The following EGFL6 variants were observed in gnomAD, a reference collection of about 807,000 sequenced individuals.
The protein encoded by EGFL6 is EGF like domain multiple 6.
In EGFL6, 42 loss-of-function variants were observed where a neutral mutation model predicts 43.1. The ratio of observed to expected loss-of-function variants is 0.98; its 90% CI spans 0.76 to 1.26. The LOEUF (loss-of-function observed/expected upper bound fraction) is 1.26. Ranked by LOEUF, EGFL6 falls within the 50% of genes most tolerant of loss-of-function variation. EGFL6 has a pLI of 0.00. For synonymous variants in EGFL6, 164 were observed against 163.2 expected, an observed-to-expected ratio of 1.01 and a Z score of -0.04; for missense variants, 429 against 427.8, an observed-to-expected ratio of 1.00 and a Z score of -0.02.
intron 3 of EGFL6, among the ~76,000 whole-genome samples, chrX:13,596,701 A>G (rs2045599465): frequency 9.0e-6 from 1 of 111,192 alleles, no homozygotes; most frequent in Non-Finnish European, 1.9e-5. Flanking sequence ...GGAATCTTGT[A>G]TTTTTATTTG....
chrX:13,593,490 C>T (rs1228468674), intron 2 of EGFL6, among the ~76,000 whole-genome samples: 6 of 111,461 alleles, frequency 5.4e-5, no homozygotes, highest in African/African-American at 2.0e-4. Flanking sequence ...CAGAAGAAGT[C>T]TAGCTTCAGC....
intron 4 of EGFL6, among the ~76,000 whole-genome samples, chrX:13,600,448 G>T (rs2045627686): frequency 9.3e-6 from 1 of 107,402 alleles, no homozygotes; most frequent in South Asian, 4.2e-4. Flanking sequence ...CACCACGCCT[G>T]GCTACTTTTT....
intron 10 of EGFL6, among the ~76,000 whole-genome samples, chrX:13,626,743 T>C: frequency 8.9e-6 from 1 of 112,406 alleles, no homozygotes; most frequent in South Asian, 3.7e-4. Flanking sequence ...ATTAGATTCT[T>C]ACCCCATATC....
intron 1 of EGFL6, among the ~76,000 whole-genome samples, chrX:13,580,085 A>G (rs1234213917): frequency 9.0e-6 from 1 of 111,479 alleles, no homozygotes; most frequent in Admixed American, 9.5e-5. Context: ...CACCTTTTGA[A>G]AGGATGAGCA....
chrX:13,608,492 A>G (rs2045672807), intron 7 of EGFL6, 46 bp downstream of exon 7: 3 of 1,181,887 alleles, frequency 2.5e-6, no homozygotes, highest in Non-Finnish European at 3.4e-6. Context: ...CCAATGAAGC[A>G]TTCTCCCCAT....
intron 1 of EGFL6, chrX:13,575,111 AAAACAAAC>A (rs77669729): frequency 0.028 from 3,106 of 110,345 alleles, 120 homozygotes; most frequent in African/African-American, 0.11. Flanking sequence ...AAGCTTATTT[AAAACAAAC>A]AAACAAACAA....
intron 2 of EGFL6, among the ~76,000 whole-genome samples, chrX:13,592,537 C>G (rs760064756): frequency 8.9e-6 from 1 of 112,068 alleles, no homozygotes; most frequent in Non-Finnish European, 1.9e-5. Context: ...CACTTGGAAA[C>G]AAGTAGTGGA....
At chrX:13,616,133 AT>A (rs1285105502) in intron 7 of EGFL6, among the ~76,000 whole-genome samples, 1 of 112,077 alleles carries the variant, frequency 8.9e-6, no homozygotes, top group Non-Finnish European at 1.9e-5. Flanking sequence ...AGTGTATTTA[AT>A]TTTTTAAAAA....
intron 5 of EGFL6, 149 bp from the exon 6 acceptor site, chrX:13,606,230 C>G: frequency 7.8e-6 from 4 of 515,411 alleles, no homozygotes; most frequent in Non-Finnish European, 1.3e-5. Context: ...CCTGGGGGAT[C>G]TAGAACACTT....
At chrX:13,606,838 C>T (rs1288728764) in intron 6 of EGFL6, among the ~76,000 whole-genome samples, 1 of 112,127 alleles carries the variant, frequency 8.9e-6, no homozygotes, top group Non-Finnish European at 1.9e-5. Context: ...TCCAGTTACA[C>T]ATCTAAAAAT....
intron 9 of EGFL6, among the ~76,000 whole-genome samples, chrX:13,622,728 T>G (rs779689960): frequency 5.3e-5 from 6 of 112,562 alleles, no homozygotes; most frequent in African/African-American, 1.6e-4. Context: ...ATGCAGTCAT[T>G]GATGTTATGT....
At chrX:13,616,906 A>T in intron 7 of EGFL6, among the ~76,000 whole-genome samples, 1 of 90,393 alleles carries the variant, frequency 1.1e-5, no homozygotes, top group African/African-American at 4.5e-5. Context: ...TCTGTCGCCC[A>T]GGCCGGACTG....
chrX:13,621,657 A>T (rs1179798339), intron 9 of EGFL6, among the ~76,000 whole-genome samples: 1 of 112,394 alleles, frequency 8.9e-6, no homozygotes, highest in African/African-American at 3.2e-5. Flanking sequence ...ACTTCCCAGC[A>T]TTCTAGCTCA....
At chrX:13,626,939 T>C (rs997474941) in intron 10 of EGFL6, 72 bp from the exon 11 acceptor site, 120 of 1,093,690 alleles carry the variant, frequency 1.1e-4, no homozygotes, top group Non-Finnish European at 1.4e-4. Context: ...TTTTTATAGC[T>C]TTTTTTATAC....
intron 9 of EGFL6, among the ~76,000 whole-genome samples, chrX:13,621,284 C>T (rs2045747257): frequency 8.9e-6 from 1 of 112,022 alleles, no homozygotes; most frequent in Non-Finnish European, 1.9e-5. Flanking sequence ...AGCTCAATCC[C>T]ATTGGGGAAC....
chrX:13,578,672 C>T (rs1308232881), intron 1 of EGFL6, among the ~76,000 whole-genome samples: 5 of 110,723 alleles, frequency 4.5e-5, no homozygotes, highest in South Asian at 3.8e-4. Context: ...AGCAAACTAT[C>T]GCAAGGACAA....
intron 3 of EGFL6, among the ~76,000 whole-genome samples, chrX:13,598,623 C>T (rs2045613640): frequency 9.2e-6 from 1 of 108,841 alleles, no homozygotes; most frequent in South Asian, 3.9e-4. Flanking sequence ...AGAAGAAAGT[C>T]ACCCTCGATC....
chrX:13,614,370 T>A (rs1226661178), intron 7 of EGFL6, among the ~76,000 whole-genome samples: 1 of 111,819 alleles, frequency 8.9e-6, no homozygotes. Context: ...CTGGAACACA[T>A]TCTTCATCTG....
chrX:13,583,140 C>T (rs2045516440), intron 1 of EGFL6, among the ~76,000 whole-genome samples: 1 of 109,717 alleles, frequency 9.1e-6, no homozygotes, highest in Non-Finnish European at 1.9e-5. Flanking sequence ...CCACCATTCC[C>T]CTGCTGCCCT....
Sources: gnomAD v4.1 joint callset for allele counts (sites outside exome capture counted in the v4.1 genomes callset) on GRCh38, gnomAD v4.1.1 for gene constraint, MANE v1.5 for transcripts, NCBI Gene and HGNC (gene_info 2026-07-23, HGNC 2026-07-21) for gene names.